The following SEMA3A variants were observed in gnomAD, a reference collection of about 807,000 sequenced individuals.
SEMA3A encodes semaphorin-3A.
In SEMA3A, 29 loss-of-function variants were observed where a neutral mutation model predicts 97.9. The ratio of observed to expected loss-of-function variants is 0.30; its 90% confidence interval spans 0.22 to 0.40. SEMA3A has a LOEUF of 0.40. Among genes scored for constraint, SEMA3A ranks in the 10% least tolerant of loss-of-function variants. The pLI, the probability that SEMA3A is intolerant of heterozygous loss-of-function variation, is 1.00. For missense variants in SEMA3A, 763 were observed against 951.3 expected, an observed-to-expected ratio of 0.80 and a Z score of 2.60; for synonymous variants, 321 against 323.7, an observed-to-expected ratio of 0.99 and a Z score of 0.09.
chr7:84,066,719 G>A (rs1279611873), intron 4 of SEMA3A, among the ~76,000 whole-genome samples: 1 of 151,798 alleles, frequency 6.6e-6, no homozygotes, highest in Admixed American at 6.6e-5. Context: ...TACAAAGGAT[G>A]TGAAGGACCT....
At chr7:84,397,881 A>G (rs1468905411) in intron 1 of SEMA3A, among the ~76,000 whole-genome samples, 2 of 152,160 alleles carry the variant, frequency 1.3e-5, no homozygotes, top group Non-Finnish European at 1.5e-5. Context: ...AGTGACAAAT[A>G]GGCCATGGGG....
intron 3 of SEMA3A, among the ~76,000 whole-genome samples, chr7:84,119,724 T>C (rs1348470971): frequency 5.3e-5 from 8 of 152,138 alleles, no homozygotes; most frequent in Admixed American, 4.6e-4. Flanking sequence ...CAGACACATA[T>C]AGAAGAATAC....
intron 1 of SEMA3A, chr7:84,489,016 T>C (rs1040535440): frequency 6.6e-6 from 1 of 152,180 alleles, no homozygotes; most frequent in African/African-American, 2.4e-5. Context: ...TTACTACCTG[T>C]ATGAGTTTGT....
chr7:84,484,648 A>C (rs989976461), intron 1 of SEMA3A, among the ~76,000 whole-genome samples: 3 of 152,136 alleles, frequency 2.0e-5, no homozygotes, highest in African/African-American at 4.8e-5. Context: ...ATTTTATGTA[A>C]AAATATAGCA....
intron 1 of SEMA3A, among the ~76,000 whole-genome samples, chr7:84,481,555 G>T (rs1250642938): frequency 6.6e-6 from 1 of 151,978 alleles, no homozygotes; most frequent in African/African-American, 2.4e-5. Context: ...TTATATCTTT[G>T]ATTTCAAAAG....
intron 3 of SEMA3A, among the ~76,000 whole-genome samples, chr7:84,274,921 A>T (rs2115718323): frequency 6.6e-6 from 1 of 152,182 alleles, no homozygotes; most frequent in Non-Finnish European, 1.5e-5. Flanking sequence ...TCATTAGATT[A>T]TATCTGTAGG....
chr7:84,322,737 CT>C (rs1363046930), intron 2 of SEMA3A, among the ~76,000 whole-genome samples: 1 of 152,118 alleles, frequency 6.6e-6, no homozygotes, highest in Non-Finnish European at 1.5e-5. Context: ...TGAGAACAGA[CT>C]AATACAATCA....
At chr7:84,277,974 G>C (rs1255440456) in intron 3 of SEMA3A, among the ~76,000 whole-genome samples, 1 of 152,052 alleles carries the variant, frequency 6.6e-6, no homozygotes, top group African/African-American at 2.4e-5. Context: ...AAATGGTCAG[G>C]CTGCAAATTC....
intron 1 of SEMA3A, among the ~76,000 whole-genome samples, chr7:84,453,687 A>G (rs1449990007): frequency 6.6e-6 from 1 of 152,184 alleles, no homozygotes; most frequent in Non-Finnish European, 1.5e-5. Context: ...CATTGTCTGT[A>G]TTAAATATTC....
chr7:84,476,874 A>G (rs1156635595), intron 1 of SEMA3A, among the ~76,000 whole-genome samples: 1 of 151,930 alleles, frequency 6.6e-6, no homozygotes, highest in Non-Finnish European at 1.5e-5. Flanking sequence ...AACTACGATT[A>G]TTAATAATTC....
intron 4 of SEMA3A, among the ~76,000 whole-genome samples, chr7:84,109,966 AAATT>A (rs1334576773): frequency 2.0e-5 from 3 of 152,156 alleles, no homozygotes; most frequent in African/African-American, 7.2e-5. Flanking sequence ...CCATACCACC[AAATT>A]AATAACGAAA....
At chr7:84,466,860 C>T (rs1260694150) in intron 1 of SEMA3A, among the ~76,000 whole-genome samples, 3 of 152,156 alleles carry the variant, frequency 2.0e-5, no homozygotes, top group African/African-American at 4.8e-5. Flanking sequence ...CACTTTATCC[C>T]TCACTTTAAT....
chr7:84,476,676 T>G (rs762683797), intron 1 of SEMA3A, among the ~76,000 whole-genome samples: 15 of 152,150 alleles, frequency 9.9e-5, no homozygotes, highest in Non-Finnish European at 7.4e-5. Context: ...ATGTAATAAT[T>G]AAAACGGATA....
chr7:84,080,079 C>T (rs1353562853), intron 4 of SEMA3A, among the ~76,000 whole-genome samples: 1 of 143,436 alleles, frequency 7.0e-6, no homozygotes, highest in Non-Finnish European at 1.5e-5. Context: ...TGGAAATCAT[C>T]ATTCTCAGTA....
At chr7:84,327,468 G>T (rs1384449220) in intron 2 of SEMA3A, among the ~76,000 whole-genome samples, 2 of 151,844 alleles carry the variant, frequency 1.3e-5, no homozygotes, top group African/African-American at 4.8e-5. Context: ...ATGAACCATT[G>T]ATATATGCCA....
intron 1 of SEMA3A, among the ~76,000 whole-genome samples, chr7:84,394,286 ATTT>A (rs1803667556): frequency 6.6e-6 from 1 of 152,088 alleles, no homozygotes; most frequent in African/African-American, 2.4e-5. Context: ...AGTTTAAAGT[ATTT>A]TTAACTTCTA....
At chr7:84,226,524 T>C (rs1798993226) in intron 3 of SEMA3A, among the ~76,000 whole-genome samples, 1 of 152,110 alleles carries the variant, frequency 6.6e-6, no homozygotes, top group African/African-American at 2.4e-5. Flanking sequence ...ATGTAGTTTG[T>C]TACCCACGAG....
At chr7:84,317,560 A>G (rs1340286745) in intron 2 of SEMA3A, among the ~76,000 whole-genome samples, 1 of 152,114 alleles carries the variant, frequency 6.6e-6, no homozygotes, top group East Asian at 1.9e-4. Context: ...ACTATTTCTC[A>G]GCTTAAAATA....
chr7:84,194,449 C>A (rs776793566), intron 1 of SEMA3A, 26 bp downstream of exon 1: 2 of 1,486,870 alleles, frequency 1.3e-6, no homozygotes, highest in Non-Finnish European at 1.9e-6. Flanking sequence ...ACAAAGCTAA[C>A]CAAATAAAAG....
Sources: gnomAD v4.1 joint callset for allele counts (sites outside exome capture counted in the v4.1 genomes callset) on GRCh38, gnomAD v4.1.1 for gene constraint, MANE v1.5 for transcripts, NCBI Gene and HGNC (gene_info 2026-07-23, HGNC 2026-07-21) for gene names.